The following CDKL5 variants were observed in gnomAD, a reference collection of about 807,000 sequenced individuals.
The protein encoded by CDKL5 is cyclin-dependent kinase-like 5.
In CDKL5, 8 loss-of-function variants were observed where a neutral mutation model predicts 61.7. The observed-to-expected ratio is 0.13, with a 90% CI of 0.08 to 0.23. The LOEUF is 0.23. Ranked by LOEUF, CDKL5 falls within the 10% of genes least tolerant of loss-of-function variation. CDKL5 has a pLI of 1.00. For synonymous variants in CDKL5, 275 were observed against 272.3 expected (o/e 1.01, Z -0.10); for missense variants, 440 against 734.5 (o/e 0.60, Z 4.63).
chrX:18,583,304 G>T (rs751533121), intron 7 of CDKL5, among the ~76,000 whole-genome samples: 12 of 111,206 alleles, frequency 1.1e-4, no homozygotes, highest in Non-Finnish European at 2.3e-4. Flanking sequence ...TGTGTCCTGT[G>T]TATCCCTAGC....
In CDKL5 at chrX:18,598,501, G is replaced by C; in HGVS notation, c.865G>C (p.Glu289Gln). ...GGACCCAGCTGACAGATACTTGACA[G>C]AACAGTGTTTGAATCACCCTACATT... ...KLDPADRYLT[E>Q]QCLNHPTFQT... is the part of the protein sequence containing the mutation. The change falls in exon 11 of 18, where the codon GAA becomes CAA. Residue 289 changes from glutamate to glutamine, a missense_variant. Glu to Gln is a conservative substitution (Grantham distance 29). Transcript: ENST00000623535. 8.3e-7 allele frequency: 1 copy of C among 1,206,836 alleles called. No individual in the cohort carries two copies. The highest frequency in any genetic ancestry group is 1.1e-6 in the Non-Finnish European group (1 of 890,957).
chrX:18,653,455 G>A lies in CDKL5; in HGVS notation c.3004G>A (p.Val1002Ile), dbSNP rs987192406. ...AGGGTTCTCTTTCTTCGTGAGACAC[G>A]TTATGAGGGAAGCCCTGATTCACAG... is the stretch of plus-strand genomic sequence containing the variant. The change falls in exon 22 of 22, where the codon GTT (valine) becomes ATT (isoleucine). Residue 1002 changes from valine to isoleucine, a missense_variant. Val to Ile is a conservative substitution (Grantham distance 29, BLOSUM62 3). Coordinates refer to the CDKL5 transcript ENST00000379989. The A allele has an allele frequency of 6.4e-5, 77 of 1,209,577 alleles. No homozygotes were observed. Among genetic ancestry groups the A allele is most frequent in the Non-Finnish European group, 7.7e-5 (69 of 895,212 alleles).
intron 1 of CDKL5, among the ~76,000 whole-genome samples, chrX:18,481,365 T>TTTCTTTCTTTCTTTCTTTCTTTCTTTC (rs1921563361): frequency 1.2e-5 from 1 of 83,649 alleles, no homozygotes; most frequent in African/African-American, 4.2e-5. Context: ...TCTTTCTTTC[T>TTTCTTTCTTTCTTTCTTTCTTTCTTTC]TTCTTTTGAG....
intron 2 of CDKL5, among the ~76,000 whole-genome samples, chrX:18,510,258 G>T (rs1370967075): frequency 9.0e-6 from 1 of 111,514 alleles, no homozygotes; most frequent in African/African-American, 3.3e-5. Flanking sequence ...GGGTTCAAAC[G>T]ATTCTCCTGC....
chrX:18,525,995 C>T (rs747242987), intron 3 of CDKL5, among the ~76,000 whole-genome samples: 1 of 111,558 alleles, frequency 9.0e-6, no homozygotes, highest in East Asian at 2.8e-4. Flanking sequence ...GATCCACCCG[C>T]CTGGGCCTCC....
chrX:18,639,495 TG>T lies in CDKL5; in HGVS notation c.*10740del, dbSNP rs1927492038. On this transcript the variant is annotated 3_prime_UTR_variant, in exon 18 of 18. Transcript: ENST00000623535. ...CACACATTATGGGTATAGTCAAAGATGGACAGTAACAAGTGTTGCTGAGGAT... is the reference window on the plus strand; with the variant it reads ...CACACATTATGGGTATAGTCAAAGATGACAGTAACAAGTGTTGCTGAGGAT... Among the ~76,000 whole-genome samples the T allele has an allele frequency of 8.9e-6, 1 of 112,108 alleles. No individual in the cohort carries two copies. The highest frequency in any genetic ancestry group is 3.2e-5 in the African/African-American group (1 of 30,835).
At chrX:18,643,776 G>A (rs1009965640), downstream of CDKL5, among the ~76,000 whole-genome samples, 1 of 110,312 alleles carries the variant, frequency 9.1e-6, no homozygotes, top group African/African-American at 3.3e-5. Context: ...GCAAAAGGAT[G>A]TTTACCATTT....
chrX:18,587,060 G>T (rs1441751930), intron 8 of CDKL5, among the ~76,000 whole-genome samples: 1 of 111,825 alleles, frequency 8.9e-6, no homozygotes, highest in Non-Finnish European at 1.9e-5. Context: ...TATCATTTTA[G>T]CATTCCAAAA....
At position 18,631,299 on chromosome X, in the gene CDKL5, C is replaced by T. The variant is rs185539739; in HGVS notation, c.*2542C>T. On this transcript the variant is annotated 3_prime_UTR_variant, in exon 18 of 18. Transcript: ENST00000623535. ...TACAGATATCTACAAATGTTTTCAA[C>T]CAGTGTTTTCGAGGTAGCTCTTTAA... 314 of 752,441 alleles carry T rather than the reference C, an allele frequency of 4.2e-4. No individual in the cohort carries two copies. Among genetic ancestry groups the T allele is most frequent in the Admixed American group, 2.8e-3 (32 of 11,474 alleles). 62.0% of individuals were successfully genotyped at this position (752,441 alleles called of 1,213,427 possible). A position where few individuals can be genotyped will look rare whatever the true frequency, so the allele number is the denominator to read the frequency against.
chrX:18,515,024 C>G (rs1040678666), intron 3 of CDKL5, among the ~76,000 whole-genome samples: 1 of 111,739 alleles, frequency 8.9e-6, no homozygotes, highest in Non-Finnish European at 1.9e-5. Flanking sequence ...GTCTTGGACT[C>G]CTGACCTCAA....
intron 9 of CDKL5, chrX:18,588,930 A>G (rs1474411942): frequency 9.3e-6 from 1 of 107,755 alleles, no homozygotes; most frequent in Admixed American, 1.0e-4. Flanking sequence ...AAAAACAAAA[A>G]CAAAAAAAAA....
At position 18,622,613 on chromosome X, in the gene CDKL5, C is replaced by G. The variant is rs191340769; in HGVS notation, c.2377-2515C>G. Among the ~76,000 whole-genome samples the G allele has an allele frequency of 2.5e-3, 276 of 112,338 alleles. 3 individuals carry two copies. Among genetic ancestry groups the G allele is most frequent in the African/African-American group, 8.2e-3 (255 of 30,938 alleles). ...ATTCCAAAAGAATGAAAATCTGATG[C>G]CCAGTGTACATAGAGACGCATGACA... is the stretch of plus-strand genomic sequence containing the variant. On this transcript the variant is annotated intron_variant, in intron 16 of 17. Coordinates refer to ENST00000623535, the MANE Select transcript of CDKL5 (RefSeq NM_001323289.2).
At chrX:18,457,098 C>T (rs1029857370) in intron 1 of CDKL5, among the ~76,000 whole-genome samples, 3 of 109,598 alleles carry the variant, frequency 2.7e-5, no homozygotes, top group Non-Finnish European at 3.8e-5. Flanking sequence ...AAGTAGTAGG[C>T]ACCACATACT....
At chrX:18,496,456 G>C (rs1045896922) in intron 1 of CDKL5, among the ~76,000 whole-genome samples, 4 of 111,491 alleles carry the variant, frequency 3.6e-5, no homozygotes, top group Non-Finnish European at 7.5e-5. Flanking sequence ...CTCATAGGTA[G>C]CAGCTTTCAG....
chrX:18,428,101 C>T (rs921860123), intron 1 of CDKL5, among the ~76,000 whole-genome samples: 6 of 111,652 alleles, frequency 5.4e-5, no homozygotes, highest in African/African-American at 1.6e-4. Context: ...CCAGATTTTA[C>T]GTGGTGTTTC....
intron 1 of CDKL5, among the ~76,000 whole-genome samples, chrX:18,464,871 AGT>A (rs1247289706): frequency 1.8e-5 from 2 of 112,063 alleles, no homozygotes; most frequent in Non-Finnish European, 3.8e-5. Context: ...AAAAAATGTC[AGT>A]GTGTGTACAT....
intron 2 of CDKL5, among the ~76,000 whole-genome samples, chrX:18,508,445 AT>A (rs1922665212): frequency 8.9e-6 from 1 of 111,797 alleles, no homozygotes; most frequent in African/African-American, 3.3e-5. Context: ...TAAAAATTTC[AT>A]TTTCAGTGTC....
At chrX:18,564,272 T>C (rs1192776021) in intron 3 of CDKL5, among the ~76,000 whole-genome samples, 1 of 110,973 alleles carries the variant, frequency 9.0e-6, no homozygotes, top group African/African-American at 3.3e-5. Flanking sequence ...CCTTTCTCCT[T>C]TCCCTTCCTT....
At chrX:18,565,752 C>T (rs1029657784) in intron 4 of CDKL5, among the ~76,000 whole-genome samples, 1 of 112,246 alleles carries the variant, frequency 8.9e-6, no homozygotes, top group African/African-American at 3.2e-5. Context: ...TGCATATCAG[C>T]TGGGAACTTT....
Sources: gnomAD v4.1 joint callset for allele counts (sites outside exome capture counted in the v4.1 genomes callset) on GRCh38, gnomAD v4.1.1 for gene constraint, MANE v1.5 for transcripts, NCBI Gene and HGNC (gene_info 2026-07-23, HGNC 2026-07-21) for gene names.